The following NBPF15 variants were observed in gnomAD, a reference collection of about 807,000 sequenced individuals.
The protein encoded by NBPF15 is NBPF member 15, also known as NBPF family member NBPF15.
Under a neutral mutation model 62.2 loss-of-function variants are expected in NBPF15, and 74 were observed. The observed-to-expected ratio is 1.19, with a 90% CI of 0.99 to 1.44. The LOEUF is 1.44. NBPF15 is among the 40% of genes most tolerant of loss of function. NBPF15 has a pLI of 0.00. For synonymous variants in NBPF15, 244 were observed against 209.7 expected (o/e 1.16, Z -1.41); for missense variants, 790 against 550.0 (o/e 1.44, Z -4.36).
At chr1:144,455,781 C>A (rs1194510992) in intron 4 of NBPF15, among the ~76,000 whole-genome samples, 2 of 151,848 alleles carry the variant, frequency 1.3e-5, no homozygotes, top group Non-Finnish European at 2.9e-5. Flanking sequence ...CCTCTCAATG[C>A]CTGCAGTGGT....
At chr1:144,440,089 A>G (rs1182631696) in intron 7 of NBPF15, 51 bp from the exon 8 acceptor site, 2 of 1,578,302 alleles carry the variant, frequency 1.3e-6, no homozygotes, top group African/African-American at 1.3e-5. Context: ...GGTGAAATCA[A>G]ATAGGTTTAA....
chr1:144,427,154 A>G lies in NBPF15; in HGVS notation c.1214-56T>C, dbSNP rs1357954152. On this transcript the variant is annotated intron_variant, in intron 16 of 21. Transcript: ENST00000581897. ...TTAAGCTGGTTCTCCTACACACATA[A>G]CAATCCACTGTCTAATCCTCACACA... 12 of 560,166 alleles carry G rather than the reference A, an allele frequency of 2.1e-5. No homozygotes were observed. The East Asian group carries it at 3.6e-4, about 17-fold the overall frequency. The allele number at this position is 560,166 out of a possible 1,614,324, so 34.7% of individuals were successfully genotyped here.
Position 144,423,934 on chromosome 1 carries a change from T to A in NBPF15, c.1705A>T (p.Arg569Ter), listed in dbSNP as rs1338303903. Reference protein sequence around the residue: ...KGKGKKRRGRRSKKKRRRGRK... With the variant: ...KGKGKKRRGR Reference sequence around the variant, plus strand: ...CCCCTTCTTCTTTTCTTCTTTGATCTTCTTCCCCTTCTTTTCTTCCCCTTC... The same window carrying A: ...CCCCTTCTTCTTTTCTTCTTTGATCATCTTCCCCTTCTTTTCTTCCCCTTC... Residue 569 changes from arginine (R) to a stop codon, truncating the protein, a stop_gained, in exon 21 of 22, where the codon AGA becomes TGA. Coordinates refer to ENST00000581897, the MANE Select transcript of NBPF15 (RefSeq NM_001385408.1). LOFTEE classifies it high-confidence loss of function. 3.8e-6 allele frequency: 3 copies of A among 785,308 alleles called. No homozygotes were observed. The highest frequency in any genetic ancestry group is 6.9e-6 in the Non-Finnish European group (3 of 436,642). The allele number at this position is 785,308 out of a possible 1,614,324, so 48.6% of individuals were successfully genotyped here. A position where few individuals can be genotyped will look rare whatever the true frequency, so the allele number is the denominator to read the frequency against.
intron 3 of NBPF15, among the ~76,000 whole-genome samples, chr1:144,458,260 T>A (rs1391646190): frequency 6.6e-6 from 1 of 151,984 alleles, no homozygotes; most frequent in Non-Finnish European, 1.5e-5. Flanking sequence ...AAAGAGTTAC[T>A]GCCTTGACAG....
At chr1:144,426,150 T>C in intron 18 of NBPF15, 128 bp downstream of exon 18, 1 of 659,966 alleles carries the variant, frequency 1.5e-6, no homozygotes, top group Non-Finnish European at 2.7e-6. Context: ...TTACAACCTT[T>C]ATGCGCCCAT....
intron 3 of NBPF15, among the ~76,000 whole-genome samples, chr1:144,459,021 T>C (rs1350318143): frequency 1.4e-5 from 2 of 147,318 alleles, no homozygotes; most frequent in African/African-American, 2.5e-5. Context: ...GCCTGGGCAA[T>C]AGAGTGAGGC....
chr1:144,459,864 G>A (rs1651218225), intron 2 of NBPF15, among the ~76,000 whole-genome samples: 1 of 151,574 alleles, frequency 6.6e-6, no homozygotes. Flanking sequence ...CTGCTAAATG[G>A]TACAACCACT....
chr1:144,461,347 G>A (rs1483514907), intron 1 of NBPF15, 34 bp downstream of exon 1: 4 of 148,904 alleles, frequency 2.7e-5, no homozygotes, highest in Admixed American at 6.7e-5. Flanking sequence ...GCCGCAGCTC[G>A]ACCCAGCTGT....
At position 144,439,941 on chromosome 1, in the gene NBPF15, A is replaced by G. The variant is rs782371145; in HGVS notation, c.63T>C (p.Asn21=). Reference sequence around the variant, plus strand: ...CTGCCAACTGGGGGCGCAATTTCTCATTGATTTCTAGAATGTTCATCTCTG... The same window carrying G: ...CTGCCAACTGGGGGCGCAATTTCTCGTTGATTTCTAGAATGTTCATCTCTG... ...EKAEMNILEI[N]EKLRPQLAEK... The change falls in exon 8 of 22, where the codon AAT becomes AAC. Residue 21 remains asparagine (N), a synonymous_variant. Coordinates refer to ENST00000581897, the MANE Select transcript of NBPF15 (RefSeq NM_001385408.1). The G allele has an allele frequency of 2.2e-5, 35 of 1,610,974 alleles. 1 individual carries two copies. The highest frequency in any genetic ancestry group is 6.7e-5 in the Admixed American group (4 of 59,958).
chr1:144,445,560 C>A (rs1322325168), intron 6 of NBPF15, among the ~76,000 whole-genome samples: 1 of 148,614 alleles, frequency 6.7e-6, no homozygotes, highest in Admixed American at 6.7e-5. Context: ...GTAGTGAATT[C>A]ATTCGCCATT....
rs9438152 is a variant in NBPF15, at chr1:144,435,163, G to C, written c.720C>G (p.Leu240=). The C allele has an allele frequency of 1.0e-4, 169 of 1,612,910 alleles. 3 individuals are homozygous for C. Among genetic ancestry groups the C allele is most frequent in the Middle Eastern group, 5.4e-4 (3 of 5,508 alleles). ...ATTCAACATGAGAGGATGAGCCAAT[G>C]AGAGTTGAGTCGACTTTGTCTTCCT... ...TFEEDKVDST[L]IGSSSHVEWE... is the part of the protein sequence containing the mutation. The change falls in exon 12 of 22, where the codon CTC becomes CTG. Residue 240 remains leucine (L), a synonymous_variant. Coordinates refer to ENST00000581897, the MANE Select transcript of NBPF15 (RefSeq NM_001385408.1).
In NBPF15 at chr1:144,432,561, C is replaced by G. The variant is rs1174870908; in HGVS notation, c.824+1212G>C. ...CCATCAGTGTGCTGTACTCAGGAAACCCATCTCACATGCAGAGACACACAT... is the reference window on the plus strand; with the variant it reads ...CCATCAGTGTGCTGTACTCAGGAAAGCCATCTCACATGCAGAGACACACAT... On this transcript the variant is annotated intron_variant, in intron 13 of 21. Transcript: ENST00000581897. Among the ~76,000 whole-genome samples the G allele has an allele frequency of 5.3e-5, 8 of 151,290 alleles. No homozygotes were observed. In the South Asian group the frequency reaches 6.3e-4, roughly 12 times the overall value.
chr1:144,426,206 C>A, intron 18 of NBPF15, 72 bp downstream of exon 18: 1 of 591,962 alleles, frequency 1.7e-6, no homozygotes, highest in East Asian at 2.8e-5. Flanking sequence ...GTAAGGGCCA[C>A]TTGGAACAGG....
intron 4 of NBPF15, among the ~76,000 whole-genome samples, chr1:144,451,505 A>G (rs1691129521): frequency 6.6e-6 from 1 of 151,772 alleles, no homozygotes; most frequent in African/African-American, 2.4e-5. Context: ...TGTATTTCAG[A>G]CTATCACATG....
rs1553541353 is a variant in NBPF15 at position 144,436,889 on chromosome 1, C to T, written c.493+6G>A. ...TTTGGGTCATCAGGGCCTATGGCCACCTTACCTGGGCTGAGCTTTTGGACA... is the reference window on the plus strand; with the variant it reads ...TTTGGGTCATCAGGGCCTATGGCCATCTTACCTGGGCTGAGCTTTTGGACA... On this transcript the variant is annotated splice_donor_region_variant and intron_variant, in intron 10 of 21. Coordinates refer to ENST00000581897, the MANE Select transcript of NBPF15 (RefSeq NM_001385408.1). 4 of 1,611,838 alleles carry T rather than the reference C, an allele frequency of 2.5e-6. No individual in the cohort carries two copies. Among genetic ancestry groups the T allele is most frequent in the Middle Eastern group, 2.1e-4 (1 of 4,664 alleles).
chr1:144,423,234 C>A lies in NBPF15; in HGVS notation c.1792G>T (p.Val598Leu), dbSNP rs781890841. 8.7e-6 allele frequency: 14 copies of A among 1,611,566 alleles called. No individual in the cohort carries two copies. The highest frequency in any genetic ancestry group is 1.2e-5 in the Non-Finnish European group (14 of 1,179,614). Reference sequence around the variant, plus strand: ...TCCTGTAAGACTTCAGGCTCTTCCACTTCCATCAGCACGCCGTAGAGCCTG... The same window carrying A: ...TCCTGTAAGACTTCAGGCTCTTCCAATTCCATCAGCACGCCGTAGAGCCTG... ...CPRLYGVLME[V>L]EEPEVLQDSL... The change falls in exon 22 of 22, where the codon GTG becomes TTG. Residue 598 changes from valine (V) to leucine (L), a missense_variant. By Grantham distance (32) the Val-to-Leu change is conservative. Coordinates refer to ENST00000581897, the MANE Select transcript of NBPF15 (RefSeq NM_001385408.1).
At chr1:144,437,173 C>CA in intron 9 of NBPF15, 64 bp from the exon 10 acceptor site, 1 of 1,415,796 alleles carries the variant, frequency 7.1e-7, no homozygotes, top group Non-Finnish European at 1.0e-6. Context: ...TCAAATATTG[C>CA]AACAGAGATT....
At chr1:144,454,533 T>TA (rs1571164720) in intron 4 of NBPF15, among the ~76,000 whole-genome samples, 1 of 111,324 alleles carries the variant, frequency 9.0e-6, no homozygotes, top group Non-Finnish European at 1.7e-5. Context: ...AGAACTGTTC[T>TA]AAAAAATAAC....
chr1:144,430,973 T>A (rs1673788646), intron 13 of NBPF15, among the ~76,000 whole-genome samples: 2 of 151,962 alleles, frequency 1.3e-5, no homozygotes, highest in African/African-American at 4.8e-5. Context: ...AGAAATGGTA[T>A]CAGTGATTCA....
Sources: gnomAD v4.1 joint callset for allele counts (sites outside exome capture counted in the v4.1 genomes callset) on GRCh38, gnomAD v4.1.1 for gene constraint, MANE v1.5 for transcripts, NCBI Gene and HGNC (gene_info 2026-07-23, HGNC 2026-07-21) for gene names.